The following NBEA variants were observed in gnomAD, a reference collection of about 807,000 sequenced individuals.
NBEA encodes the protein lysosomal-trafficking regulator 2.
Under a neutral mutation model 343.4 loss-of-function variants are expected in NBEA, and 44 were observed. The observed-to-expected ratio is 0.13, with a 90% CI of 0.10 to 0.16. The LOEUF is 0.16. NBEA is among the 10% of genes least tolerant of loss of function. The probability of loss-of-function intolerance (pLI) is 1.00; values close to 1 mark genes in which losing one functional copy is unlikely to be tolerated. For missense variants in NBEA, 2,555 were observed against 3,631.3 expected, an observed-to-expected ratio of 0.70 and a Z score of 7.62; for synonymous variants, 1,175 against 1,238.7, an observed-to-expected ratio of 0.95 and a Z score of 1.08.
intron 1 of NBEA, among the ~76,000 whole-genome samples, chr13:35,034,981 A>G (rs2062385172): frequency 6.6e-6 from 1 of 151,720 alleles, no homozygotes; most frequent in African/African-American, 2.4e-5. Flanking sequence ...TTTTTGTTTC[A>G]TTGATCTGTT....
intron 44 of NBEA, among the ~76,000 whole-genome samples, chr13:35,561,075 T>A (rs1000539642): frequency 1.3e-5 from 2 of 152,170 alleles, no homozygotes; most frequent in South Asian, 4.1e-4. Context: ...TATATCTATA[T>A]CTTTAAAAGA....
At chr13:35,270,847 C>T (rs915523816) in intron 34 of NBEA, among the ~76,000 whole-genome samples, 2 of 152,206 alleles carry the variant, frequency 1.3e-5, no homozygotes, top group African/African-American at 2.4e-5. Flanking sequence ...AGCAGGGAAG[C>T]TTGAACTGGG....
intron 1 of NBEA, among the ~76,000 whole-genome samples, chr13:35,032,465 G>A (rs2062266487): frequency 6.6e-6 from 1 of 151,722 alleles, no homozygotes; most frequent in South Asian, 2.1e-4. Context: ...AAAAGTGTCT[G>A]TTCATGTCCT....
intron 10 of NBEA, among the ~76,000 whole-genome samples, chr13:35,089,245 C>T (rs1301972604): frequency 4.6e-5 from 6 of 130,254 alleles, no homozygotes; most frequent in Admixed American, 7.9e-5. Flanking sequence ...AAAAAGTGGG[C>T]GAAGGACATG....
intron 34 of NBEA, chr13:35,251,616 A>C: frequency 8.6e-7 from 1 of 1,160,734 alleles, no homozygotes; most frequent in Non-Finnish European, 1.1e-6. Context: ...AGCGGGAAGC[A>C]GAGATGGCCA....
At chr13:35,316,941 CT>C (rs1251644514) in intron 36 of NBEA, among the ~76,000 whole-genome samples, 5 of 152,056 alleles carry the variant, frequency 3.3e-5, no homozygotes, top group Non-Finnish European at 7.4e-5. Context: ...CCTTCGCCCT[CT>C]TTTTGATGGG....
chr13:35,305,133 A>G (rs2244590), intron 35 of NBEA, among the ~76,000 whole-genome samples: 32,263 of 151,880 alleles, frequency 0.21, 3,938 homozygotes, highest in African/African-American at 0.33. Context: ...TTTCCTTCCT[A>G]AGATAACTAT....
Position 35,164,401 on chromosome 13 carries a change from T to C in NBEA, c.4125T>C (p.Asn1375=), listed in dbSNP as rs528719794. The C allele has an allele frequency of 1.3e-6, 2 of 1,594,026 alleles. No individual in the cohort carries two copies. Among genetic ancestry groups the C allele is most frequent in the African/African-American group, 2.7e-5 (2 of 74,818 alleles). The change falls in exon 24 of 59, where the codon AAT becomes AAC. Residue 1375 remains asparagine, a synonymous_variant. Transcript: ENST00000379939. ...SVMDFVNSNE[N]IIFVHNTIHL... Reference sequence around the variant, plus strand: ...TGGATTTTGTCAATAGCAATGAAAATATTATTTTTGTACATAACACAATTC... The same window carrying C: ...TGGATTTTGTCAATAGCAATGAAAACATTATTTTTGTACATAACACAATTC...
chr13:35,346,165 C>G (rs1396131087), intron 36 of NBEA, among the ~76,000 whole-genome samples: 1 of 152,090 alleles, frequency 6.6e-6, no homozygotes, highest in Admixed American at 6.6e-5. Flanking sequence ...TAATCCACTG[C>G]TTTGCTCCTG....
At chr13:35,603,016 T>C (rs926446058) in intron 47 of NBEA, among the ~76,000 whole-genome samples, 1 of 152,222 alleles carries the variant, frequency 6.6e-6, no homozygotes, top group Non-Finnish European at 1.5e-5. Context: ...AATTGAGCTA[T>C]TTTATACTTT....
At chr13:35,375,430 A>G (rs2041685344) in intron 38 of NBEA, among the ~76,000 whole-genome samples, 1 of 152,104 alleles carries the variant, frequency 6.6e-6, no homozygotes, top group African/African-American at 2.4e-5. Context: ...TTCTGATTTC[A>G]AAAGGGGGAA....
chr13:35,245,458 C>T (rs767644247), intron 34 of NBEA, among the ~76,000 whole-genome samples: 7 of 151,980 alleles, frequency 4.6e-5, no homozygotes, highest in Admixed American at 2.0e-4. Flanking sequence ...CTCCTTTTAG[C>T]GGTTCTTGTT....
At chr13:35,264,155 T>C (rs1226191112) in intron 34 of NBEA, among the ~76,000 whole-genome samples, 3 of 148,682 alleles carry the variant, frequency 2.0e-5, no homozygotes, top group African/African-American at 7.4e-5. Context: ...TCGGATACCC[T>C]AGAAGAAATG....
intron 36 of NBEA, among the ~76,000 whole-genome samples, chr13:35,341,065 G>T (rs1477881841): frequency 1.3e-5 from 2 of 152,044 alleles, no homozygotes; most frequent in African/African-American, 4.8e-5. Context: ...TAATAGAATT[G>T]AGAGTCCACA....
chr13:35,262,453 A>G (rs181520257), intron 34 of NBEA, among the ~76,000 whole-genome samples: 202 of 152,324 alleles, frequency 1.3e-3, no homozygotes, highest in African/African-American at 4.8e-3. Context: ...TAAACAAACC[A>G]TGATTTAAAC....
chr13:35,648,139 C>G (rs1208991905), intron 51 of NBEA, among the ~76,000 whole-genome samples: 3 of 146,434 alleles, frequency 2.0e-5, no homozygotes, highest in South Asian at 4.5e-4. Flanking sequence ...GCTGGGAATA[C>G]AGGCATAAGC....
intron 34 of NBEA, among the ~76,000 whole-genome samples, chr13:35,275,116 G>T (rs1034342657): frequency 6.6e-6 from 1 of 152,124 alleles, no homozygotes; most frequent in African/African-American, 2.4e-5. Context: ...ATGCTACAAG[G>T]CTACAGTAAC....
chr13:35,004,995 C>G (rs1029174320), intron 1 of NBEA, among the ~76,000 whole-genome samples: 6 of 151,978 alleles, frequency 3.9e-5, no homozygotes, highest in African/African-American at 1.5e-4. Context: ...TTTTTTATTA[C>G]CTTATTTATT....
Position 35,045,317 on chromosome 13 carries a change from A to C in NBEA, c.639A>C (p.Ala213=), listed in dbSNP as rs1168560671. The change falls in exon 4 of 59, where the codon GCA becomes GCC. Residue 213 remains alanine, a synonymous_variant. Transcript: ENST00000379939. ...TATTGTTTCCCCAGCCAAGACATGCAGTAAAATTATTATCAGTTCTTAATC... is the reference window on the plus strand; with the variant it reads ...TATTGTTTCCCCAGCCAAGACATGCCGTAAAATTATTATCAGTTCTTAATC... The part of the protein sequence containing the change: ...RGESGIWPRH[A]VKLLSVLNQM... 1 of 1,606,756 alleles carries C rather than the reference A, an allele frequency of 6.2e-7. No individual in the cohort carries two copies. Among genetic ancestry groups the C allele is most frequent in the East Asian group, 2.2e-5 (1 of 44,738 alleles).
Sources: allele counts gnomAD v4.1 joint callset (sites outside exome capture counted in the v4.1 genomes callset), GRCh38; gene constraint gnomAD v4.1.1; transcripts MANE v1.5; gene names NCBI Gene and HGNC (gene_info 2026-07-23, HGNC 2026-07-21).